IQCM: variants seen among roughly 807,000 people sequenced by gnomAD.
IQCM encodes the protein IQ motif containing M.
A neutral mutation model predicts 57.6 loss-of-function variants in IQCM; 45 were observed. The observed-to-expected ratio is 0.78, with a 90% CI of 0.62 to 1.00. The LOEUF is 1.00. IQCM is among the 50% of genes least tolerant of loss of function. IQCM has a pLI of 0.00. For missense variants in IQCM, 468 were observed against 511.6 expected (o/e 0.91, Z 0.82); for synonymous variants, 148 against 158.9 (o/e 0.93, Z 0.51).
intron 12 of IQCM, among the ~76,000 whole-genome samples, chr4:149,535,684 A>C (rs1477609086): frequency 2.0e-5 from 3 of 152,098 alleles, no homozygotes; most frequent in African/African-American, 7.2e-5. Flanking sequence ...TACAGAATTT[A>C]ATCAGATTCT....
intron 2 of IQCM, among the ~76,000 whole-genome samples, chr4:149,774,283 A>T (rs991617427): frequency 2.0e-5 from 3 of 152,180 alleles, no homozygotes; most frequent in African/African-American, 7.2e-5. Flanking sequence ...AAGTATATAC[A>T]CGCTGGTCCT....
At chr4:149,611,545 A>G (rs1315726832) in intron 8 of IQCM, among the ~76,000 whole-genome samples, 4 of 152,168 alleles carry the variant, frequency 2.6e-5, no homozygotes, top group Non-Finnish European at 4.4e-5. Flanking sequence ...CATGAATGGA[A>G]CTGGAGGACA....
chr4:149,511,884 G>C, intron 12 of IQCM, among the ~76,000 whole-genome samples: 1 of 152,062 alleles, frequency 6.6e-6, no homozygotes. Flanking sequence ...AAAAACCTGT[G>C]TTTATTGCTC....
intron 10 of IQCM, among the ~76,000 whole-genome samples, chr4:149,562,933 T>C (rs1035609751): frequency 1.1e-4 from 17 of 152,206 alleles, no homozygotes; most frequent in Non-Finnish European, 7.3e-5. Context: ...GAGTGGGCAC[T>C]ACTAATCTAT....
At chr4:149,570,553 A>T (rs1017211679) in intron 9 of IQCM, among the ~76,000 whole-genome samples, 10 of 152,090 alleles carry the variant, frequency 6.6e-5, no homozygotes, top group African/African-American at 2.4e-4. Context: ...AGAAAATTGG[A>T]TGATTCCTAA....
rs185369194 is a variant in IQCM at position 149,543,169 on chromosome 4, G to A, written c.1228+5286C>T. On this transcript the variant is annotated intron_variant, in intron 12 of 13. Coordinates refer to ENST00000636793, the MANE Select transcript of IQCM (RefSeq NM_001363507.2). Reference sequence around the variant, plus strand: ...TAATTTTTTAATTTTATTATTATAAGAAAAATGAAAACAACTTAAATGTAT... The same window carrying A: ...TAATTTTTTAATTTTATTATTATAAAAAAAATGAAAACAACTTAAATGTAT... Among the ~76,000 whole-genome samples the A allele has an allele frequency of 2.4e-3, 363 of 151,690 alleles. 1 individual carries two copies. Among genetic ancestry groups the A allele is most frequent in the African/African-American group, 7.8e-3 (322 of 41,344 alleles).
intron 7 of IQCM, among the ~76,000 whole-genome samples, chr4:149,629,634 T>C (rs1309649956): frequency 6.6e-6 from 1 of 151,986 alleles, no homozygotes; most frequent in Non-Finnish European, 1.5e-5. Flanking sequence ...CATGATAATG[T>C]TCTGTATTTT....
At chr4:149,525,966 T>C (rs1301144103) in intron 12 of IQCM, among the ~76,000 whole-genome samples, 3 of 151,868 alleles carry the variant, frequency 2.0e-5, no homozygotes, top group Non-Finnish European at 2.9e-5. Context: ...GCTACGTATA[T>C]ATGAAGAGCA....
chr4:149,530,886 TAGAG>T (rs1457346512), intron 12 of IQCM, among the ~76,000 whole-genome samples: 3 of 136,606 alleles, frequency 2.2e-5, no homozygotes, highest in East Asian at 4.4e-4. Flanking sequence ...GGTAGAGAAA[TAGAG>T]AGGCACAGAT....
intron 7 of IQCM, 125 bp from the exon 8 acceptor site, chr4:149,621,369 A>G: frequency 2.4e-6 from 1 of 411,434 alleles, no homozygotes; most frequent in Admixed American, 4.4e-5. Flanking sequence ...CTGTATTAAA[A>G]TCACATCTTG....
At chr4:149,761,810 G>A (rs529451598) in intron 2 of IQCM, among the ~76,000 whole-genome samples, 10 of 152,044 alleles carry the variant, frequency 6.6e-5, no homozygotes, top group Non-Finnish European at 1.2e-4. Context: ...AGAAATATAT[G>A]TGCCAAAACT....
chr4:149,766,607 T>C (rs533621368), intron 2 of IQCM, among the ~76,000 whole-genome samples: 13 of 152,232 alleles, frequency 8.5e-5, no homozygotes, highest in African/African-American at 2.9e-4. Context: ...AATATAGAGA[T>C]TACTATCAGA....
At chr4:149,744,043 A>C (rs754922513) in intron 2 of IQCM, among the ~76,000 whole-genome samples, 16 of 152,216 alleles carry the variant, frequency 1.1e-4, no homozygotes, top group Non-Finnish European at 1.9e-4. Flanking sequence ...ATTTCAGTAA[A>C]TCTGTAAGCC....
At chr4:149,693,929 TCTC>T (rs1763122452) in intron 5 of IQCM, among the ~76,000 whole-genome samples, 1 of 152,170 alleles carries the variant, frequency 6.6e-6, no homozygotes, top group African/African-American at 2.4e-5. Flanking sequence ...CAAGGGATAT[TCTC>T]TAATCTATCT....
Position 149,757,946 on chromosome 4 carries a change from A to G in IQCM, c.-48-15207T>C, listed in dbSNP as rs191524310. Among the ~76,000 whole-genome samples the G allele has an allele frequency of 1.0e-3, 159 of 152,330 alleles. 1 individual carries two copies. The highest frequency in any genetic ancestry group is 3.5e-3 in the African/African-American group (147 of 41,582). On this transcript the variant is annotated intron_variant, in intron 2 of 13. Coordinates refer to ENST00000636793, the MANE Select transcript of IQCM (RefSeq NM_001363507.2). ...TACTCCTGAATAACTCATTGATTAA[A>G]CCATAGATCAATAGCCAACACAACA...
chr4:149,670,529 T>C (rs1312374566), intron 7 of IQCM, among the ~76,000 whole-genome samples: 1 of 152,204 alleles, frequency 6.6e-6, no homozygotes, highest in Admixed American at 6.5e-5. Context: ...ATAGGAGTGG[T>C]GAGAGAGGGC....
chr4:149,411,500 C>A (rs1489744623), intron 13 of IQCM, among the ~76,000 whole-genome samples: 2 of 151,868 alleles, frequency 1.3e-5, no homozygotes, highest in Admixed American at 1.3e-4. Context: ...ATTTACTTGG[C>A]AACATTAACA....
intron 2 of IQCM, among the ~76,000 whole-genome samples, chr4:149,802,393 C>G (rs1773683443): frequency 1.3e-5 from 2 of 152,052 alleles, no homozygotes; most frequent in East Asian, 3.9e-4. Context: ...TGACTGACAC[C>G]AAGTAGCCAT....
intron 7 of IQCM, among the ~76,000 whole-genome samples, chr4:149,659,470 G>GA (rs576449921): frequency 2.0e-4 from 31 of 152,076 alleles, no homozygotes; most frequent in African/African-American, 6.5e-4. Flanking sequence ...CACAGAATTG[G>GA]AAAAAACTAC....
Sources: gnomAD v4.1 joint callset for allele counts (sites outside exome capture counted in the v4.1 genomes callset) on GRCh38, gnomAD v4.1.1 for gene constraint, MANE v1.5 for transcripts, NCBI Gene and HGNC (gene_info 2026-07-23, HGNC 2026-07-21) for gene names.